The following WBP1 variants were observed in gnomAD, a reference collection of about 807,000 sequenced individuals.
WBP1 encodes the protein WW domain binding protein 1.
Under a neutral mutation model 25.6 loss-of-function variants are expected in WBP1, and 18 were observed. That is an observed-to-expected ratio of 0.70 (90% CI 0.49 to 1.04). The LOEUF (loss-of-function observed/expected upper bound fraction) is 1.04, where lower values mean the gene tolerates loss of function less well. Among genes scored for constraint, WBP1 ranks in the 50% least tolerant of loss-of-function variants. The probability of loss-of-function intolerance (pLI) is 0.00; values close to 1 mark genes in which losing one functional copy is unlikely to be tolerated. For synonymous variants in WBP1, 122 were observed against 137.7 expected, an observed-to-expected ratio of 0.89 and a Z score of 0.80; for missense variants, 330 against 352.9, an observed-to-expected ratio of 0.94 and a Z score of 0.52.
chr2:74,458,797 T>G, intron 1 of WBP1, 126 bp downstream of exon 1: 1 of 1,522,544 alleles, frequency 6.6e-7, no homozygotes, highest in Non-Finnish European at 8.9e-7. Flanking sequence ...CCTAAACATG[T>G]CTCTTCCACT....
chr2:74,459,209 T>C (rs1403662016), intron 1 of WBP1: 1 of 1,423,942 alleles, frequency 7.0e-7, no homozygotes, highest in Non-Finnish European at 9.3e-7. Context: ...CCGCGCAGGA[T>C]AATGAAAGCA....
intron 1 of WBP1, chr2:74,459,230 GA>G: frequency 7.9e-7 from 1 of 1,271,890 alleles, no homozygotes; most frequent in Non-Finnish European, 1.1e-6. Context: ...ACTTGCTTTG[GA>G]AATGACCTAC....
Position 74,459,866 on chromosome 2 carries a change from C to G in WBP1, c.173-7C>G. On this transcript the variant is annotated splice_polypyrimidine_tract_variant and splice_region_variant and intron_variant, in intron 2 of 3. Transcript: ENST00000233615. ...TGCCTGAGTTGCTCCCTCCTTGCCT[C>G]TTGCAGGGTTCTGGCTGCTCTGGAC... The G allele has an allele frequency of 6.2e-7, 1 of 1,613,316 alleles. No homozygotes were observed. Among genetic ancestry groups the G allele is most frequent in the South Asian group, 1.1e-5 (1 of 91,070 alleles).
At chr2:74,459,244 C>T (rs1319371340) in intron 1 of WBP1, 33 of 1,190,668 alleles carry the variant, frequency 2.8e-5, no homozygotes, top group South Asian at 1.6e-5. Context: ...TGACCTACCG[C>T]TACCCGTTGT....
Position 74,460,605 on chromosome 2 carries a change from C to T in WBP1, c.734C>T (p.Pro245Leu), listed in dbSNP as rs145811324. ...ATLPDLEDYS[P>L]CALPPESVPQ... is the part of the protein sequence containing the mutation. ...CTGCCAGATCTGGAGGACTACTCCC[C>T]GTGTGCACTACCCCCAGAGTCTGTA... is the stretch of plus-strand genomic sequence containing the variant. Residue 245 changes from proline (P) to leucine (L), a missense_variant, in exon 4 of 4, where the codon CCG becomes CTG. Transcript: ENST00000233615. 5.6e-6 allele frequency: 9 copies of T among 1,612,622 alleles called. No homozygotes were observed. Among genetic ancestry groups the T allele is most frequent in the South Asian group, 1.1e-5 (1 of 90,916 alleles).
At chr2:74,459,322 G>T (rs554108010) in intron 1 of WBP1, 139 of 607,756 alleles carry the variant, frequency 2.3e-4, no homozygotes, top group Middle Eastern at 1.7e-3. Context: ...AGAAAGCACC[G>T]AGGGGATGGG....
Position 74,458,438 on chromosome 2 carries a change from C to T in WBP1, c.-165C>T. On this transcript the variant is annotated 5_prime_UTR_variant, in exon 1 of 4. Transcript: ENST00000233615. ...TTGGTAGGGCAGAGCAATCTGAGTC[C>T]TAGTTGGTGGAGTTCTGCCCGGATG... The T allele has an allele frequency of 6.9e-7, 1 of 1,441,248 alleles. No homozygotes were observed. Among genetic ancestry groups the T allele is most frequent in the Non-Finnish European group, 9.1e-7 (1 of 1,096,958 alleles). The allele number at this position is 1,441,248 out of a possible 1,614,324, so 89.3% of individuals were successfully genotyped here. A position where few individuals can be genotyped will look rare whatever the true frequency, so the allele number is the denominator to read the frequency against.
chr2:74,458,631 G>C lies in WBP1; in HGVS notation c.29G>C (p.Ser10Thr). Reference protein sequence around the residue: MARASSGNGSEEAWGALRAP... With the variant: MARASSGNGTEEAWGALRAP... ...GCTCGGGCCAGCAGCGGGAACGGCA[G>C]CGAGGAGGCCTGGGGGGCACTTCGG... The change falls in exon 1 of 4, where the codon AGC becomes ACC. Residue 10 changes from serine (S) to threonine (T), a missense_variant. Transcript: ENST00000233615. 1 of 1,568,564 alleles carries C rather than the reference G, an allele frequency of 6.4e-7. No individual in the cohort carries two copies. Among genetic ancestry groups the C allele is most frequent in the African/African-American group, 1.3e-5 (1 of 74,664 alleles).
At position 74,460,288 on chromosome 2, in the gene WBP1, C is replaced by A. The variant is rs151042212; in HGVS notation, c.417C>A (p.Pro139=). Residue 139 remains proline, a synonymous_variant, in exon 4 of 4, where the codon CCC becomes CCA. Coordinates refer to ENST00000233615, the MANE Select transcript of WBP1 (RefSeq NM_012477.4). ...TTCACCGCCCAGGCACACCACCCCC[C>A]CCTTATACTGTGGCCCCAGGCCGCC... is the stretch of plus-strand genomic sequence containing the variant. ...DVVHRPGTPP[P]PYTVAPGRPL... is the part of the protein sequence containing the mutation. 2.5e-4 allele frequency: 410 copies of A among 1,614,130 alleles called. No individual in the cohort carries two copies. Among genetic ancestry groups the A allele is most frequent in the Middle Eastern group, 3.3e-4 (2 of 6,062 alleles).
In WBP1 at chr2:74,458,473, G is replaced by T; in HGVS notation, c.-130G>T. The T allele has an allele frequency of 6.9e-7, 1 of 1,459,322 alleles. No homozygotes were observed. 90.4% of individuals were successfully genotyped at this position (1,459,322 alleles called of 1,614,324 possible). ...GAGTTCTGCCCGGATGGAAGCTCCG[G>T]CCGCGGAGTGATGGTGGCCTCAGCG... On this transcript the variant is annotated 5_prime_UTR_variant, in exon 1 of 4. Transcript: ENST00000233615.
At chr2:74,458,962 T>G (rs754924173) in intron 1 of WBP1, 1 of 1,550,688 alleles carries the variant, frequency 6.4e-7, no homozygotes, top group Non-Finnish European at 8.7e-7. Context: ...AACAGTTATT[T>G]GTGATCTTTT....
At chr2:74,460,076 C>G (rs1671850447) in intron 3 of WBP1, 27 bp downstream of exon 3, 1 of 1,606,762 alleles carries the variant, frequency 6.2e-7, no homozygotes, top group Non-Finnish European at 8.5e-7. Flanking sequence ...CCTGGGTCAG[C>G]TACCAGTGGC....
Position 74,460,271 on chromosome 2 carries a change from C to A in WBP1, c.400C>A (p.Pro134Thr). The stretch of plus-strand genomic sequence containing the variant: ...AGCCTACGAGGATGTGGTTCACCGC[C>A]CAGGCACACCACCCCCCCCTTATAC... ...PPAYEDVVHRPGTPPPPYTVA... is the reference protein window; with the variant it reads ...PPAYEDVVHRTGTPPPPYTVA... Residue 134 changes from proline to threonine, a missense_variant, in exon 4 of 4, where the codon CCA becomes ACA. By Grantham distance (38) the Pro-to-Thr change is conservative (BLOSUM62 -1). Transcript: ENST00000233615. The A allele has an allele frequency of 6.2e-7, 1 of 1,614,012 alleles. No individual in the cohort carries two copies. Among genetic ancestry groups the A allele is most frequent in the East Asian group, 2.2e-5 (1 of 44,886 alleles).
At chr2:74,459,150 C>G (rs1398914336) in intron 1 of WBP1, 3 of 1,530,788 alleles carry the variant, frequency 2.0e-6, no homozygotes, top group Non-Finnish European at 2.6e-6. Context: ...TCCTAGGGAG[C>G]CTGAGGCCCA....
chr2:74,460,745 C>A lies in WBP1; in HGVS notation c.*64C>A. ...AAACAGCCCTAGTCCCAACTCCTTG[C>A]GTTCCTTTGGCCCCTCCCTGCCTAC... On this transcript the variant is annotated 3_prime_UTR_variant, in exon 4 of 4. Coordinates refer to ENST00000233615, the MANE Select transcript of WBP1 (RefSeq NM_012477.4). The A allele has an allele frequency of 7.2e-7, 1 of 1,390,076 alleles. No homozygotes were observed. The highest frequency in any genetic ancestry group is 9.7e-7 in the Non-Finnish European group (1 of 1,030,490). The allele number at this position is 1,390,076 out of a possible 1,614,324, so 86.1% of individuals were successfully genotyped here.
rs1262941848 is a variant in WBP1, at chr2:74,458,573, T to A, written c.-30T>A. On this transcript the variant is annotated 5_prime_UTR_variant, in exon 1 of 4. Transcript: ENST00000233615. ...CGGGGCGGCTGGCGGTAGAGGAGGC[T>A]GTGGTCCTCAGGGGGCTGTAGGTGG... is the stretch of plus-strand genomic sequence containing the variant. 1 of 1,539,208 alleles carries A rather than the reference T, an allele frequency of 6.5e-7. No individual in the cohort carries two copies. The highest frequency in any genetic ancestry group is 1.4e-5 in the African/African-American group (1 of 73,222).
chr2:74,460,080 C>T (rs1671850595), intron 3 of WBP1, 31 bp downstream of exon 3: 5 of 1,606,896 alleles, frequency 3.1e-6, no homozygotes, highest in Middle Eastern at 3.3e-4. Context: ...GGTCAGCTAC[C>T]AGTGGCCCTC....
chr2:74,458,723 T>A, intron 1 of WBP1, 52 bp downstream of exon 1: 1 of 1,542,544 alleles, frequency 6.5e-7, no homozygotes, highest in Non-Finnish European at 8.8e-7. Flanking sequence ...CTCTTTCCCC[T>A]TTCCTTGTCC....
rs1251267972 is a variant in WBP1, at chr2:74,460,746, G to A, written c.*65G>A. Reference sequence around the variant, plus strand: ...AACAGCCCTAGTCCCAACTCCTTGCGTTCCTTTGGCCCCTCCCTGCCTACC... The same window carrying A: ...AACAGCCCTAGTCCCAACTCCTTGCATTCCTTTGGCCCCTCCCTGCCTACC... On this transcript the variant is annotated 3_prime_UTR_variant, in exon 4 of 4. Coordinates refer to ENST00000233615, the MANE Select transcript of WBP1 (RefSeq NM_012477.4). The A allele has an allele frequency of 5.8e-6, 8 of 1,385,998 alleles. No homozygotes were observed. Among genetic ancestry groups the A allele is most frequent in the African/African-American group, 2.9e-5 (2 of 68,532 alleles). 85.9% of individuals were successfully genotyped at this position (1,385,998 alleles called of 1,614,324 possible).
Sources: allele counts gnomAD v4.1 joint callset, GRCh38; gene constraint gnomAD v4.1.1; transcripts MANE v1.5; gene names NCBI Gene and HGNC (gene_info 2026-07-23, HGNC 2026-07-21).